ZNF334: variants seen among roughly 807,000 people sequenced by gnomAD.
ZNF334 encodes zinc finger protein 334.
A neutral mutation model predicts 12.4 loss-of-function variants in ZNF334; 14 were observed. The ratio of observed to expected loss-of-function variants is 1.13; its 90% CI spans 0.74 to 1.76. ZNF334 has a LOEUF of 1.76. Ranked by LOEUF, ZNF334 falls within the 40% of genes most tolerant of loss-of-function variation. The pLI, the probability that ZNF334 is intolerant of heterozygous loss-of-function variation, is 0.00. For synonymous variants in ZNF334, 273 were observed against 269.6 expected (o/e 1.01, Z -0.12); for missense variants, 797 against 804.5 (o/e 0.99, Z 0.11).
rs756025508 is a variant in ZNF334, at chr20:46,504,595, A to G, written c.148+19T>C. On this transcript the variant is annotated intron_variant, in intron 3 of 4. Coordinates refer to ENST00000692313, the MANE Select transcript of ZNF334 (RefSeq NM_001353824.2). ...AGAAATGTATGCTCTTGGGAGTTGT[A>G]CAGGGAAATAGTCCTTACCCACAGA... The G allele has an allele frequency of 2.5e-6, 4 of 1,577,062 alleles. No homozygotes were observed. Among genetic ancestry groups the G allele is most frequent in the Non-Finnish European group, 3.4e-6 (4 of 1,167,586 alleles).
In ZNF334 at chr20:46,500,015, T is replaced by C. The variant is rs1449454979; in HGVS notation, c.*1281A>G. 6.6e-6 allele frequency: 1 copy of C among 152,130 alleles called. No individual in the cohort carries two copies. Among genetic ancestry groups the C allele is most frequent in the Non-Finnish European group, 1.5e-5 (1 of 68,018 alleles). The allele number at this position is 152,130 out of a possible 1,614,324, so 9.4% of individuals were successfully genotyped here. ...TCAAATTGAGTTGGAGGATGCAACT[T>C]AGTGTGACCATTCAGCTAATGGGCC... On this transcript the variant is annotated 3_prime_UTR_variant, in exon 5 of 5. Coordinates refer to ENST00000692313, the MANE Select transcript of ZNF334 (RefSeq NM_001353824.2).
chr20:46,505,572 A>C (rs1007235317), intron 2 of ZNF334: 10 of 153,906 alleles, frequency 6.5e-5, no homozygotes, highest in Middle Eastern at 3.4e-3. Flanking sequence ...ATTTGTAAGC[A>C]AGGACTGGAG....
downstream of ZNF334, among the ~76,000 whole-genome samples, chr20:46,496,538 C>A (rs1322274674): frequency 6.6e-6 from 1 of 152,208 alleles, no homozygotes; most frequent in African/African-American, 2.4e-5. Context: ...CCTTTGAAAT[C>A]TGTCACTTTG....
the ZNF334 span, among the ~76,000 whole-genome samples, chr20:46,488,419 T>TTTTTTATATATATATATATATA: frequency 9.8e-6 from 1 of 102,242 alleles, no homozygotes; most frequent in African/African-American, 4.3e-5. Flanking sequence ...AGCTCTTATT[T>TTTTTTATATATATATATATATA]TATATATATA....
chr20:46,504,166 G>A (rs1601033763), intron 4 of ZNF334, 48 bp downstream of exon 4: 1 of 1,331,462 alleles, frequency 7.5e-7, no homozygotes, highest in African/African-American at 1.5e-5. Context: ...GACCACCATG[G>A]AACTCTCATT....
chr20:46,495,498 C>T (rs1832355982), downstream of ZNF334, among the ~76,000 whole-genome samples: 1 of 152,008 alleles, frequency 6.6e-6, no homozygotes, highest in African/African-American at 2.4e-5. Flanking sequence ...TTGGAGTCAG[C>T]ACAGAATATG....
At position 46,501,768 on chromosome 20, in the gene ZNF334, T is replaced by C. The variant is rs146016008; in HGVS notation, c.1571A>G (p.His524Arg). 2.6e-4 allele frequency: 419 copies of C among 1,614,210 alleles called. No individual in the cohort carries two copies. In the African/African-American group the frequency reaches 4.1e-3, roughly 16 times the overall value. The stretch of plus-strand genomic sequence containing the variant: ...GAGGTGTGAGTTTTTGCTGACGGCA[T>C]GCCCATGTTCACTACACTCATAAAG... ...ENLYECSEHG[H>R]AVSKNSHLIV... Residue 524 changes from histidine (H) to arginine (R), a missense_variant, in exon 5 of 5, where the codon CAT becomes CGT. Physicochemically the swap from His to Arg is conservative, Grantham distance 29 (BLOSUM62 0). Coordinates refer to ENST00000692313, the MANE Select transcript of ZNF334 (RefSeq NM_001353824.2).
rs760237369 is a variant in ZNF334, at chr20:46,502,199, C to T, written c.1140G>A (p.Lys380=). 6.8e-6 allele frequency: 11 copies of T among 1,613,684 alleles called. No homozygotes were observed. The highest frequency in any genetic ancestry group is 9.3e-6 in the Non-Finnish European group (11 of 1,179,954). The change falls in exon 5 of 5, where the codon AAG becomes AAA. Residue 380 remains lysine (K), a synonymous_variant. Transcript: ENST00000692313. The part of the protein sequence containing the change: ...THRGEKPNEC[K]ECGKTFFCQS... The stretch of plus-strand genomic sequence containing the variant: ...GACAGAAGAAGGTTTTCCCACATTC[C>T]TTACATTCATTTGGCTTCTCTCCTC...
the ZNF334 span, among the ~76,000 whole-genome samples, chr20:46,486,131 A>G: frequency 6.6e-6 from 1 of 152,276 alleles, no homozygotes; most frequent in Non-Finnish European, 1.5e-5. Context: ...GAAATTGGAT[A>G]CAAAAATTGA....
chr20:46,481,595 C>A, the ZNF334 span, among the ~76,000 whole-genome samples: 1 of 152,162 alleles, frequency 6.6e-6, no homozygotes, highest in African/African-American at 2.4e-5. Flanking sequence ...GTTGGCAGCG[C>A]AGGGAGCAAT....
At chr20:46,467,574 C>A in the ZNF334 span, among the ~76,000 whole-genome samples, 1 of 152,190 alleles carries the variant, frequency 6.6e-6, no homozygotes, top group Non-Finnish European at 1.5e-5. Flanking sequence ...GCTAATGCTG[C>A]CTTTTTAATT....
At chr20:46,487,488 G>C in the ZNF334 span, among the ~76,000 whole-genome samples, 1 of 152,108 alleles carries the variant, frequency 6.6e-6, no homozygotes, top group East Asian at 1.9e-4. Context: ...TATTATAGCA[G>C]TGTGGTTTTC....
chr20:46,477,213 C>G, the ZNF334 span: 1 of 152,082 alleles, frequency 6.6e-6, no homozygotes, highest in Non-Finnish European at 1.5e-5. Context: ...TAGGAGAGTA[C>G]AGGGAATTGG....
the ZNF334 span, among the ~76,000 whole-genome samples, chr20:46,481,978 T>C: frequency 6.6e-6 from 1 of 152,114 alleles, no homozygotes; most frequent in African/African-American, 2.4e-5. Context: ...TCCTGGGTTG[T>C]CTGGGTGGGC....
At chr20:46,464,754 GTAC>G in the ZNF334 span, 1,480 of 504,412 alleles carry the variant, frequency 2.9e-3, 15 homozygotes, top group African/African-American at 0.023. Flanking sequence ...AAGGGGCAGT[GTAC>G]GCTGCAGTAG....
intron 2 of ZNF334, chr20:46,509,493 T>C (rs1164249233): frequency 1.0e-5 from 7 of 684,978 alleles, no homozygotes; most frequent in South Asian, 1.5e-5. Flanking sequence ...AGCAGGAGCA[T>C]GGGGTCAGCA....
chr20:46,494,506 T>C, the ZNF334 span, among the ~76,000 whole-genome samples: 1 of 152,230 alleles, frequency 6.6e-6, no homozygotes, highest in Non-Finnish European at 1.5e-5. Context: ...ACATCAGTTT[T>C]ATAGATCTCA....
the ZNF334 span, among the ~76,000 whole-genome samples, chr20:46,466,828 T>C: frequency 7.2e-5 from 11 of 152,174 alleles, no homozygotes; most frequent in Admixed American, 7.2e-4. Flanking sequence ...TTATATAAAG[T>C]TGGCAGATTA....
chr20:46,465,860 C>T, the ZNF334 span, among the ~76,000 whole-genome samples: 1 of 151,632 alleles, frequency 6.6e-6, no homozygotes, highest in Non-Finnish European at 1.5e-5. Context: ...GAACCTGAGG[C>T]GGGAGAATGG....
Sources: allele counts gnomAD v4.1 joint callset (sites outside exome capture counted in the v4.1 genomes callset), GRCh38; gene constraint gnomAD v4.1.1; transcripts MANE v1.5; gene names NCBI Gene and HGNC (gene_info 2026-07-23, HGNC 2026-07-21).